The following PM20D2 variants were observed in gnomAD, a reference collection of about 807,000 sequenced individuals.
PM20D2 encodes xaa-Arg dipeptidase.
In PM20D2, 33 loss-of-function variants were observed where a neutral mutation model predicts 42.9. The ratio of observed to expected loss-of-function variants is 0.77; its 90% CI spans 0.58 to 1.03. The LOEUF is 1.03. PM20D2 is among the 50% of genes least tolerant of loss of function. The pLI, the probability that PM20D2 is intolerant of heterozygous loss-of-function variation, is 0.00. For synonymous variants in PM20D2, 250 were observed against 228.2 expected (o/e 1.10, Z -0.86); for missense variants, 548 against 557.0 (o/e 0.98, Z 0.16).
the PM20D2 span, chr6:89,107,245 G>A: frequency 9.9e-6 from 16 of 1,613,896 alleles, no homozygotes; most frequent in Admixed American, 6.7e-5. Context: ...AACTCACGGC[G>A]CAAGTCCTCA....
At chr6:89,102,770 G>A in the PM20D2 span, among the ~76,000 whole-genome samples, 13 of 150,780 alleles carry the variant, frequency 8.6e-5, no homozygotes, top group Middle Eastern at 3.4e-3. Context: ...TATTTGTTGT[G>A]AGACAGAGTC....
At chr6:89,111,967 C>A in the PM20D2 span, among the ~76,000 whole-genome samples, 8 of 152,186 alleles carry the variant, frequency 5.3e-5, no homozygotes, top group Non-Finnish European at 1.2e-4. Context: ...TTTTCCTAAG[C>A]TACATCTTGT....
At position 89,146,531 on chromosome 6, in the gene PM20D2, C is replaced by G; in HGVS notation, c.387C>G (p.Ile129Met). 1.3e-6 allele frequency: 2 copies of G among 1,509,784 alleles called. No individual in the cohort carries two copies. Among genetic ancestry groups the G allele is most frequent in the Non-Finnish European group, 1.8e-6 (2 of 1,136,516 alleles). The allele number at this position is 1,509,784 out of a possible 1,614,324, so 93.5% of individuals were successfully genotyped here. A position where few individuals can be genotyped will look rare whatever the true frequency, so the allele number is the denominator to read the frequency against. The change falls in exon 1 of 7, where the codon ATC becomes ATG. Residue 129 changes from isoleucine to methionine, a missense_variant. Ile to Met is a conservative substitution (Grantham distance 10, BLOSUM62 1). Transcript: ENST00000275072. ...GIGHACGHNL[I>M]AEVGAAAALG... is the part of the protein sequence containing the mutation. ...GCCACGCCTGCGGCCACAACCTCAT[C>G]GCTGAGGTCGGGGCGGCGGCCGCGC...
the PM20D2 span, among the ~76,000 whole-genome samples, chr6:89,115,518 G>A: frequency 6.6e-6 from 1 of 151,968 alleles, no homozygotes; most frequent in Non-Finnish European, 1.5e-5. Context: ...CTCACCTCAA[G>A]TGATCCGCCG....
At chr6:89,135,442 A>G in the PM20D2 span, among the ~76,000 whole-genome samples, 1 of 151,308 alleles carries the variant, frequency 6.6e-6, no homozygotes, top group East Asian at 1.9e-4. Flanking sequence ...TATTGGCTGT[A>G]AGATTTAAAG....
chr6:89,113,303 A>G, the PM20D2 span, among the ~76,000 whole-genome samples: 1 of 151,988 alleles, frequency 6.6e-6, no homozygotes, highest in Admixed American at 6.6e-5. Context: ...CCTCCCTAGT[A>G]GCTGGGACTA....
the PM20D2 span, chr6:89,097,170 A>G: frequency 6.6e-6 from 1 of 152,214 alleles, no homozygotes; most frequent in East Asian, 1.9e-4. Context: ...CCTATATACT[A>G]AAAATATAAG....
chr6:89,120,922 A>T, the PM20D2 span, among the ~76,000 whole-genome samples: 1 of 151,768 alleles, frequency 6.6e-6, no homozygotes, highest in Admixed American at 6.6e-5. Flanking sequence ...TATAAATAGA[A>T]TTTTTCTATT....
chr6:89,162,104 T>G lies in PM20D2; in HGVS notation c.1157-5T>G. On this transcript the variant is annotated splice_polypyrimidine_tract_variant and splice_region_variant and intron_variant, in intron 6 of 6. Transcript: ENST00000275072. ...AGGAGGTATTTTATTTTCTCTACCTTTTAGGGTCACAGGAAGCTCAGTTCT... is the reference window on the plus strand; with the variant it reads ...AGGAGGTATTTTATTTTCTCTACCTGTTAGGGTCACAGGAAGCTCAGTTCT... 6.2e-7 allele frequency: 1 copy of G among 1,600,094 alleles called. No individual in the cohort carries two copies. Among genetic ancestry groups the G allele is most frequent in the Non-Finnish European group, 8.5e-7 (1 of 1,175,712 alleles).
intron 4 of PM20D2, among the ~76,000 whole-genome samples, chr6:89,156,834 A>G (rs1771065866): frequency 6.6e-6 from 1 of 152,212 alleles, no homozygotes; most frequent in African/African-American, 2.4e-5. Context: ...AAACATATGG[A>G]CAGATGTAGG....
intron 1 of PM20D2, among the ~76,000 whole-genome samples, chr6:89,147,320 C>G (rs775964961): frequency 1.3e-5 from 2 of 152,166 alleles, no homozygotes; most frequent in Non-Finnish European, 2.9e-5. Flanking sequence ...ATATTCTACA[C>G]TATGAGCTAA....
the PM20D2 span, among the ~76,000 whole-genome samples, chr6:89,127,040 T>TA: frequency 6.6e-6 from 1 of 152,298 alleles, no homozygotes; most frequent in Non-Finnish European, 1.5e-5. Context: ...ATAATTATAC[T>TA]AAAAAACAAC....
the PM20D2 span, among the ~76,000 whole-genome samples, chr6:89,100,170 T>C: frequency 6.6e-6 from 1 of 152,194 alleles, no homozygotes; most frequent in Non-Finnish European, 1.5e-5. Flanking sequence ...AAGTTGTGTG[T>C]GTATGGAAGA....
chr6:89,149,205 G>A lies in PM20D2; in HGVS notation c.466-60G>A, dbSNP rs1050304926. ...TGTGAATACATATGCAGGTGAACCT[G>A]TTTGATATATTCCTATGAGGATTTT... On this transcript the variant is annotated intron_variant, in intron 1 of 6. Transcript: ENST00000275072. 95 of 1,564,140 alleles carry A rather than the reference G, an allele frequency of 6.1e-5. No homozygotes were observed. The Middle Eastern group carries it at 1.9e-3, about 31-fold the overall frequency.
At chr6:89,130,379 G>A in the PM20D2 span, among the ~76,000 whole-genome samples, 4 of 152,016 alleles carry the variant, frequency 2.6e-5, no homozygotes, top group African/African-American at 9.7e-5. Context: ...GGTTATAGGT[G>A]TAAGCCACTG....
At position 89,161,769 on chromosome 6, in the gene PM20D2, T is replaced by G. The variant is rs1562263174; in HGVS notation, c.1049-14T>G. The G allele has an allele frequency of 6.4e-7, 1 of 1,567,506 alleles. No individual in the cohort carries two copies. Among genetic ancestry groups the G allele is most frequent in the Non-Finnish European group, 8.8e-7 (1 of 1,137,582 alleles). Reference sequence around the variant, plus strand: ...ATACTTAAATAGACTTTTCTTAACTTTGTGTGTTCCAAGGATCTACGGATT... The same window carrying G: ...ATACTTAAATAGACTTTTCTTAACTGTGTGTGTTCCAAGGATCTACGGATT... On this transcript the variant is annotated splice_polypyrimidine_tract_variant and intron_variant, in intron 5 of 6. Coordinates refer to ENST00000275072, the MANE Select transcript of PM20D2 (RefSeq NM_001010853.3).
the PM20D2 span, among the ~76,000 whole-genome samples, chr6:89,128,671 A>T: frequency 6.6e-6 from 1 of 152,172 alleles, no homozygotes; most frequent in Non-Finnish European, 1.5e-5. Context: ...ACCCTTAATT[A>T]AAAAACTTGC....
rs553398025 is a variant in PM20D2 at position 89,151,205 on chromosome 6, A to T, written c.614+1792A>T. 8.3e-4 allele frequency among the ~76,000 whole-genome samples: 124 copies of T among 149,626 alleles called. 2 individuals are homozygous for T. In the South Asian group the frequency reaches 0.015, roughly 18 times the overall value. The stretch of plus-strand genomic sequence containing the variant: ...CAAGATCAAGAATTCATTTTTTTTT[A>T]AATTACTAATCCACTTTTCTTAAAA... On this transcript the variant is annotated intron_variant, in intron 2 of 6. Coordinates refer to ENST00000275072, the MANE Select transcript of PM20D2 (RefSeq NM_001010853.3).
intron 1 of PM20D2, among the ~76,000 whole-genome samples, chr6:89,146,942 A>C (rs979536997): frequency 2.0e-5 from 3 of 152,248 alleles, no homozygotes; most frequent in Non-Finnish European, 4.4e-5. Context: ...TAACTGAGAG[A>C]GGCAACAGCA....
Sources: allele counts gnomAD v4.1 joint callset (sites outside exome capture counted in the v4.1 genomes callset), GRCh38; gene constraint gnomAD v4.1.1; transcripts MANE v1.5; gene names NCBI Gene and HGNC (gene_info 2026-07-23, HGNC 2026-07-21).